The following DMBT1 variants were observed in gnomAD, a reference collection of about 807,000 sequenced individuals.
The protein encoded by DMBT1 is deleted in malignant brain tumors 1.
A neutral mutation model predicts 252.9 loss-of-function variants in DMBT1; 198 were observed. The observed-to-expected ratio is 0.78, with a 90% CI of 0.70 to 0.88. The LOEUF (loss-of-function observed/expected upper bound fraction) is 0.88. DMBT1 is among the 40% of genes least tolerant of loss of function. The pLI is 0.00. For synonymous variants in DMBT1, 990 were observed against 942.7 expected (o/e 1.05, Z -0.92); for missense variants, 2,432 against 2,404.7 (o/e 1.01, Z -0.24).
At chr10:122,634,352 C>CTTTCTT (rs1555029846) in intron 52 of DMBT1, among the ~76,000 whole-genome samples, 1 of 90,632 alleles carries the variant, frequency 1.1e-5, no homozygotes. Context: ...TTCTTTCTTT[C>CTTTCTT]TTTCTTTCTT....
chr10:122,632,389 T>C (rs1254695727), intron 50 of DMBT1, among the ~76,000 whole-genome samples: 1 of 152,034 alleles, frequency 6.6e-6, no homozygotes, highest in African/African-American at 2.4e-5. Context: ...CTTCTGGTGA[T>C]GACCCCGCTC....
intron 10 of DMBT1, 148 bp from the exon 11 acceptor site, chr10:122,580,718 G>T (rs1473948623): frequency 8.9e-6 from 11 of 1,241,052 alleles, no homozygotes; most frequent in Non-Finnish European, 1.3e-5. Context: ...GCATCTCTGT[G>T]GGGATGTGCA....
chr10:122,598,104 C>T lies in DMBT1; in HGVS notation c.2956+92C>T, dbSNP rs1191909641. ...ATGATAGGATGAGGGTCAAGGTGGGCCCCTCTCTTTTTCATGTCCCTGTGG... is the reference window on the plus strand; with the variant it reads ...ATGATAGGATGAGGGTCAAGGTGGGTCCCTCTCTTTTTCATGTCCCTGTGG... On this transcript the variant is annotated intron_variant, in intron 25 of 55. Coordinates refer to ENST00000338354, the MANE Select transcript of DMBT1 (RefSeq NM_001377530.1). 6 of 1,577,306 alleles carry T rather than the reference C, an allele frequency of 3.8e-6. No individual in the cohort carries two copies. In the East Asian group the frequency reaches 1.1e-4, roughly 30 times the overall value.
chr10:122,580,133 G>T (rs1375227372), intron 10 of DMBT1, among the ~76,000 whole-genome samples: 2 of 152,190 alleles, frequency 1.3e-5, no homozygotes, highest in Admixed American at 6.5e-5. Context: ...CCTGAGGCAA[G>T]GCAAGGAAGA....
At chr10:122,628,651 G>GA (rs921446981) in intron 46 of DMBT1, among the ~76,000 whole-genome samples, 4 of 151,452 alleles carry the variant, frequency 2.6e-5, no homozygotes, top group Admixed American at 6.6e-5. Flanking sequence ...CAAAACAAAA[G>GA]AAAAAAAAGA....
chr10:122,560,951 C>T, intron 1 of DMBT1, 120 bp downstream of exon 1: 1 of 647,448 alleles, frequency 1.5e-6, no homozygotes, highest in Non-Finnish European at 2.6e-6. Context: ...TAGCACTTTG[C>T]TGATAATTGT....
chr10:122,573,712 C>G lies in DMBT1; in HGVS notation c.236-3C>G, dbSNP rs772174631. ...ATGAGCTCTTCCTTTCTCCACCCTGCAGGTTCTCTGATTCCCTCAGAGTCA... is the reference window on the plus strand; with the variant it reads ...ATGAGCTCTTCCTTTCTCCACCCTGGAGGTTCTCTGATTCCCTCAGAGTCA... On this transcript the variant is annotated splice_region_variant and splice_polypyrimidine_tract_variant and intron_variant, in intron 5 of 55. Transcript: ENST00000338354. The G allele has an allele frequency of 6.2e-7, 1 of 1,613,890 alleles. No homozygotes were observed. The highest frequency in any genetic ancestry group is 1.3e-5 in the African/African-American group (1 of 75,024).
intron 23 of DMBT1, 22 bp from the exon 24 acceptor site, chr10:122,597,003 T>C (rs1453207852): frequency 1.9e-6 from 1 of 535,052 alleles, no homozygotes; most frequent in African/African-American, 3.7e-5. Flanking sequence ...GTGCATCTGA[T>C]CTGACCTCCT....
chr10:122,586,076 G>T lies in DMBT1; in HGVS notation c.1476G>T (p.Leu492Phe). ...PASTVGSESSLALRLVNGGDR... is the reference protein window; with the variant it reads ...PASTVGSESSFALRLVNGGDR... Reference sequence around the variant, plus strand: ...CCCCTGTAGGATCTGAATCCAGTTTGGCCCTGAGGCTGGTGAATGGAGGTG... The same window carrying T: ...CCCCTGTAGGATCTGAATCCAGTTTTGCCCTGAGGCTGGTGAATGGAGGTG... The change falls in exon 16 of 56, where the codon TTG becomes TTT. Residue 492 changes from leucine to phenylalanine, a missense_variant. Around this residue, in one of 3 missense-constraint regions of DMBT1, gnomAD observed 1,264 missense variants for 1,082.2 expected, o/e 1.17. Transcript: ENST00000338354. 1 of 1,588,850 alleles carries T rather than the reference G, an allele frequency of 6.3e-7. No individual in the cohort carries two copies. The highest frequency in any genetic ancestry group is 1.3e-5 in the African/African-American group (1 of 74,672).
In DMBT1 at chr10:122,620,243, C is replaced by T. The variant is rs781032152; in HGVS notation, c.5246-10C>T. 1.2e-6 allele frequency: 2 copies of T among 1,613,848 alleles called. No individual in the cohort carries two copies. Among genetic ancestry groups the T allele is most frequent in the Non-Finnish European group, 1.7e-6 (2 of 1,179,814 alleles). On this transcript the variant is annotated splice_polypyrimidine_tract_variant and intron_variant, in intron 42 of 55. Coordinates refer to ENST00000338354, the MANE Select transcript of DMBT1 (RefSeq NM_001377530.1). ...CTAATTTTGTCCTTTCTCTTTGTTGCAATTTACAGATACTTGGCTGACCAC... is the reference window on the plus strand; with the variant it reads ...CTAATTTTGTCCTTTCTCTTTGTTGTAATTTACAGATACTTGGCTGACCAC...
chr10:122,627,771 A>G (rs2098128605), intron 46 of DMBT1, among the ~76,000 whole-genome samples: 1 of 152,246 alleles, frequency 6.6e-6, no homozygotes, highest in Non-Finnish European at 1.5e-5. Flanking sequence ...TCTTCCCATC[A>G]AATGGGAGAA....
At chr10:122,573,366 G>T (rs1348647416) in intron 5 of DMBT1, among the ~76,000 whole-genome samples, 1 of 152,166 alleles carries the variant, frequency 6.6e-6, no homozygotes, top group African/African-American at 2.4e-5. Context: ...GTGAATATTT[G>T]TCATTTAAGG....
Position 122,630,325 on chromosome 10 carries a change from G to C in DMBT1, c.5860G>C (p.Glu1954Gln). 1 of 1,613,994 alleles carries C rather than the reference G, an allele frequency of 6.2e-7. No homozygotes were observed. The highest frequency in any genetic ancestry group is 8.5e-7 in the Non-Finnish European group (1 of 1,179,882). ...AHHNCSFDYVEIFDGSLNSSL... is the reference protein window; with the variant it reads ...AHHNCSFDYVQIFDGSLNSSL... ...CCATAACTGCAGTTTTGATTATGTT[G>C]AAATCTTTGATGGATCATTGAATAG... Residue 1954 changes from glutamate (E) to glutamine (Q), a missense_variant, in exon 48 of 56, where the codon GAA becomes CAA. Transcript: ENST00000338354.
chr10:122,624,853 C>T (rs1398064348), intron 44 of DMBT1, among the ~76,000 whole-genome samples: 1 of 152,004 alleles, frequency 6.6e-6, no homozygotes, highest in Non-Finnish European at 1.5e-5. Flanking sequence ...TTCAGATGGG[C>T]CTCCAAGACC....
In DMBT1 at chr10:122,570,945, C is replaced by T. The variant is rs1353431913; in HGVS notation, c.187+8C>T. Reference sequence around the variant, plus strand: ...AGTCAACTGTAGCAGAAGGTAACGTCTACTATGGGGGATCCCTGTGGGCTC... The same window carrying T: ...AGTCAACTGTAGCAGAAGGTAACGTTTACTATGGGGGATCCCTGTGGGCTC... On this transcript the variant is annotated splice_region_variant and intron_variant, in intron 4 of 55. Transcript: ENST00000338354. 5.6e-6 allele frequency: 9 copies of T among 1,612,750 alleles called. No individual in the cohort carries two copies. The East Asian group carries it at 2.0e-4, about 36-fold the overall frequency.
chr10:122,638,088 C>T (rs146026857), intron 54 of DMBT1, among the ~76,000 whole-genome samples: 148 of 152,322 alleles, frequency 9.7e-4, no homozygotes, highest in African/African-American at 3.0e-3. Flanking sequence ...CAAATGAGGA[C>T]GGTTAGTCAC....
intron 17 of DMBT1, among the ~76,000 whole-genome samples, chr10:122,590,317 G>A (rs1282377654): frequency 2.0e-5 from 3 of 149,086 alleles, no homozygotes; most frequent in Admixed American, 2.0e-4. Context: ...ATGAATGCCT[G>A]TGGGCTGGGC....
At chr10:122,599,504 C>T (rs1365668283) in intron 26 of DMBT1, among the ~76,000 whole-genome samples, 1 of 152,202 alleles carries the variant, frequency 6.6e-6, no homozygotes, top group Non-Finnish European at 1.5e-5. Flanking sequence ...AGTGGGTTCT[C>T]AGCTGAGACC....
In DMBT1 at chr10:122,589,340, T is replaced by A. The variant is rs969585378; in HGVS notation, c.2107+73T>A. 8 of 1,566,908 alleles carry A rather than the reference T, an allele frequency of 5.1e-6. No individual in the cohort carries two copies. In the Admixed American group the frequency reaches 5.2e-5, roughly 10 times the overall value. On this transcript the variant is annotated intron_variant, in intron 17 of 55. Transcript: ENST00000338354. ...CAGGAAGAGAGGTCTTATGTTCTAA[T>A]CTCCTCACTCAGAGCTTTTTCAACC... is the stretch of plus-strand genomic sequence containing the variant.
Sources: allele counts gnomAD v4.1 joint callset (sites outside exome capture counted in the v4.1 genomes callset), GRCh38; gene constraint gnomAD v4.1.1; regional missense constraint gnomAD v4.1.1; transcripts MANE v1.5; gene names NCBI Gene and HGNC (gene_info 2026-07-23, HGNC 2026-07-21).